The following CFAP20DC variants were observed in gnomAD, a reference collection of about 807,000 sequenced individuals.
CFAP20DC encodes protein CFAP20DC.
In CFAP20DC, 84 loss-of-function variants were observed where a neutral mutation model predicts 101.7. The ratio of observed to expected loss-of-function variants is 0.83; its 90% CI spans 0.69 to 0.99. The LOEUF is 0.99. CFAP20DC is among the 50% of genes least tolerant of loss of function. CFAP20DC has a pLI of 0.00. For synonymous variants in CFAP20DC, 359 were observed against 351.2 expected, an observed-to-expected ratio of 1.02 and a Z score of -0.25; for missense variants, 1,007 against 970.3, an observed-to-expected ratio of 1.04 and a Z score of -0.50.
chr3:58,917,793 T>C (rs1174257380), intron 5 of CFAP20DC, among the ~76,000 whole-genome samples: 1 of 152,188 alleles, frequency 6.6e-6, no homozygotes, highest in Non-Finnish European at 1.5e-5. Flanking sequence ...ATTACTAATG[T>C]ATTAAAAACA....
At chr3:58,969,220 C>T (rs1028263758) in intron 4 of CFAP20DC, among the ~76,000 whole-genome samples, 7 of 152,098 alleles carry the variant, frequency 4.6e-5, no homozygotes, top group African/African-American at 1.4e-4. Context: ...ATACAAATGG[C>T]CAATAAGCAA....
At chr3:58,862,165 A>G in intron 12 of CFAP20DC, 1 of 969,522 alleles carries the variant, frequency 1.0e-6, no homozygotes, top group Non-Finnish European at 1.2e-6. Flanking sequence ...CCCACCTACC[A>G]TGAAATGCCC....
chr3:58,837,959 C>CTCTT (rs1261187810), intron 13 of CFAP20DC, among the ~76,000 whole-genome samples: 2 of 152,094 alleles, frequency 1.3e-5, no homozygotes, highest in African/African-American at 4.8e-5. Context: ...TCCAGGGCAC[C>CTCTT]TCTTTACTAG....
chr3:58,807,997 G>C (rs2074252585), intron 14 of CFAP20DC, among the ~76,000 whole-genome samples: 1 of 152,152 alleles, frequency 6.6e-6, no homozygotes, highest in Non-Finnish European at 1.5e-5. Flanking sequence ...AATGAAGTGA[G>C]ATGGGAAGTT....
chr3:58,914,722 T>TA lies in CFAP20DC; in HGVS notation c.394-859dup, dbSNP rs1418848283. Among the ~76,000 whole-genome samples, 3 of 151,172 alleles carry TA rather than the reference T, an allele frequency of 2.0e-5. No homozygotes were observed. The highest frequency in any genetic ancestry group is 6.6e-5 in the Admixed American group (1 of 15,146). ...TTTTCTTTTTTTTAAAGACAAATCT[T>TA]ATATATCTAGGAATGCTGATTTTAA... On this transcript the variant is annotated intron_variant, in intron 5 of 16. Coordinates refer to ENST00000482387, the MANE Select transcript of CFAP20DC (RefSeq NM_001394063.1). The surrounding 1 kb of genome is among the most constrained non-coding windows in gnomAD (Gnocchi z 4.9).
intron 16 of CFAP20DC, among the ~76,000 whole-genome samples, chr3:58,743,588 G>T (rs1268141448): frequency 6.6e-6 from 1 of 152,218 alleles, no homozygotes; most frequent in African/African-American, 2.4e-5. Context: ...TCACCAGGGT[G>T]AGCTTCAGAA....
chr3:58,735,363 G>A (rs1480213684), intron 3 of CFAP20DC, among the ~76,000 whole-genome samples: 1 of 152,206 alleles, frequency 6.6e-6, no homozygotes, highest in Non-Finnish European at 1.5e-5. Flanking sequence ...CCATTCTAGT[G>A]ATCATCAACC....
Position 58,721,047 on chromosome 3 carries a change from G to C in CFAP20DC, c.198-3419C>G, listed in dbSNP as rs188373061. Among the ~76,000 whole-genome samples, 24 of 152,202 alleles carry C rather than the reference G, an allele frequency of 1.6e-4. No individual in the cohort carries two copies. Among genetic ancestry groups the C allele is most frequent in the East Asian group, 5.8e-4 (3 of 5,156 alleles). Reference sequence around the variant, plus strand: ...CTCCTCAGACTCCAAGGCTAGGTTAGGTTCCTCATTTTTCTCTCCCAGAGC... The same window carrying C: ...CTCCTCAGACTCCAAGGCTAGGTTACGTTCCTCATTTTTCTCTCCCAGAGC... On this transcript the variant is annotated intron_variant, in intron 3 of 3. Coordinates refer to the CFAP20DC transcript ENST00000486145. This position sits in a 1 kb window ranked among gnomAD's most constrained non-coding sequence, Gnocchi z 5.2.
chr3:58,833,962 G>T (rs958841821), intron 13 of CFAP20DC, among the ~76,000 whole-genome samples: 1 of 152,134 alleles, frequency 6.6e-6, no homozygotes, highest in Non-Finnish European at 1.5e-5. Context: ...CATATTGTGT[G>T]ATTTACTTTA....
At chr3:58,792,351 C>T (rs2072925560) in intron 15 of CFAP20DC, among the ~76,000 whole-genome samples, 2 of 151,956 alleles carry the variant, frequency 1.3e-5, no homozygotes. Context: ...TTTCATTGTA[C>T]CTACTTAAGT....
In CFAP20DC at chr3:58,947,802, C is replaced by G. The variant is rs772622169; in HGVS notation, c.279-10040G>C. ...GAGTGAGGGAGCAGGGAGAATAGGACAACAAAGGAGGAAAAGGCAATATAA... is the reference window on the plus strand; with the variant it reads ...GAGTGAGGGAGCAGGGAGAATAGGAGAACAAAGGAGGAAAAGGCAATATAA... On this transcript the variant is annotated intron_variant, in intron 4 of 16. Coordinates refer to ENST00000482387, the MANE Select transcript of CFAP20DC (RefSeq NM_001394063.1). 3.3e-5 allele frequency among the ~76,000 whole-genome samples: 5 copies of G among 152,090 alleles called. No individual in the cohort carries two copies. The East Asian group carries it at 7.7e-4, about 23-fold the overall frequency.
At chr3:58,934,924 G>A (rs1017704376) in intron 5 of CFAP20DC, among the ~76,000 whole-genome samples, 2 of 152,136 alleles carry the variant, frequency 1.3e-5, no homozygotes, top group African/African-American at 4.8e-5. Context: ...TCTGGCCAGG[G>A]CAATTAGGCA....
intron 15 of CFAP20DC, among the ~76,000 whole-genome samples, chr3:58,805,353 G>A (rs879900501): frequency 2.6e-5 from 4 of 152,184 alleles, no homozygotes; most frequent in African/African-American, 9.7e-5. Flanking sequence ...TGCCTTTCTA[G>A]TTCCTAGTTT....
chr3:58,810,165 T>C (rs894939822), intron 14 of CFAP20DC, among the ~76,000 whole-genome samples: 2 of 152,030 alleles, frequency 1.3e-5, no homozygotes, highest in African/African-American at 2.4e-5. Flanking sequence ...ACTATTCCAA[T>C]CAATAGAAAA....
chr3:59,048,410 T>C (rs1700036590), intron 1 of CFAP20DC, among the ~76,000 whole-genome samples: 1 of 152,206 alleles, frequency 6.6e-6, no homozygotes, highest in African/African-American at 2.4e-5. Context: ...CTATAGCTTG[T>C]GAGGGCAGGT....
At position 58,869,442 on chromosome 3, in the gene CFAP20DC, T is replaced by C. The variant is rs1206795841; in HGVS notation, c.901A>G (p.Thr301Ala). Residue 301 changes from threonine to alanine, a missense_variant, in exon 9 of 17, where the codon ACT becomes GCT. Transcript: ENST00000482387. This position sits in a 1 kb window ranked among gnomAD's most constrained non-coding sequence, Gnocchi z 4.3. ...SKNNRSCQPS[T>A]VEKCVNGTEM... Reference sequence around the variant, plus strand: ...GTACCATTAACACACTTCTCTACAGTGGACGGCTGGCATGATCGGTTATTT... The same window carrying C: ...GTACCATTAACACACTTCTCTACAGCGGACGGCTGGCATGATCGGTTATTT... 6 of 1,613,244 alleles carry C rather than the reference T, an allele frequency of 3.7e-6. No individual in the cohort carries two copies. The highest frequency in any genetic ancestry group is 3.3e-5 in the Admixed American group (2 of 59,880).
chr3:58,920,388 C>T (rs1437713756), intron 5 of CFAP20DC, among the ~76,000 whole-genome samples: 3 of 152,128 alleles, frequency 2.0e-5, no homozygotes, highest in East Asian at 3.9e-4. Context: ...GCCACCATGC[C>T]CAGCCATAGT....
At position 58,768,266 on chromosome 3, in the gene CFAP20DC, C is replaced by T. The variant is rs867336670; in HGVS notation, c.2238-14403G>A. Among the ~76,000 whole-genome samples the T allele has an allele frequency of 2.4e-4, 36 of 152,290 alleles. No homozygotes were observed. The Middle Eastern group carries it at 0.01, about 43-fold the overall frequency. ...TAAACAAAGTGAAATTCAGATGCCA[C>T]TGGTGATCCCATTTCCTGTCACATG... On this transcript the variant is annotated intron_variant, in intron 15 of 16. Transcript: ENST00000482387.
Position 59,007,049 on chromosome 3 carries a change from T to G in CFAP20DC, c.278+32508A>C, listed in dbSNP as rs931506586. 6.6e-6 allele frequency among the ~76,000 whole-genome samples: 1 copy of G among 152,122 alleles called. No homozygotes were observed. Among genetic ancestry groups the G allele is most frequent in the Non-Finnish European group, 1.5e-5 (1 of 68,024 alleles). On this transcript the variant is annotated intron_variant, in intron 4 of 16. Transcript: ENST00000482387. This position sits in a 1 kb window ranked among gnomAD's most constrained non-coding sequence, Gnocchi z 4.4. ...GCCTTGCCAACTGTGTGGAGCTGGG[T>G]GAGGCCTTTTGCTACTGGATGTCAC...
Sources: allele counts gnomAD v4.1 joint callset (sites outside exome capture counted in the v4.1 genomes callset), GRCh38; gene constraint gnomAD v4.1.1; non-coding constraint Gnocchi (gnomAD v3.1); transcripts MANE v1.5; gene names NCBI Gene and HGNC (gene_info 2026-07-23, HGNC 2026-07-21).